The following PIK3AP1 variants were observed in gnomAD, a reference collection of about 807,000 sequenced individuals.
PIK3AP1 encodes phosphoinositide-3-kinase adaptor protein 1.
A neutral mutation model predicts 88.1 loss-of-function variants in PIK3AP1; 21 were observed. The observed-to-expected ratio is 0.24, with a 90% CI of 0.17 to 0.34. The LOEUF is 0.34. PIK3AP1 is among the 10% of genes least tolerant of loss of function. The probability of loss-of-function intolerance (pLI) is 1.00; values close to 1 mark genes in which losing one functional copy is unlikely to be tolerated. For synonymous variants in PIK3AP1, 398 were observed against 400.0 expected (o/e 1.00, Z 0.06); for missense variants, 828 against 1,035.7 (o/e 0.80, Z 2.75).
intron 2 of PIK3AP1, among the ~76,000 whole-genome samples, chr10:96,702,497 C>CAA (rs573292210): frequency 1.8e-4 from 17 of 95,772 alleles, no homozygotes; most frequent in African/African-American, 5.1e-4. Flanking sequence ...GACTTCGTCT[C>CAA]AAAAAAAAAA....
chr10:96,626,929 T>C (rs368662075), intron 9 of PIK3AP1, 24 bp from the exon 10 acceptor site: 2 of 1,596,232 alleles, frequency 1.3e-6, no homozygotes, highest in East Asian at 2.2e-5. Flanking sequence ...GAAAGGTGAC[T>C]GAAAGCAGTG....
At chr10:96,601,834 G>T (rs555613034) in intron 16 of PIK3AP1, among the ~76,000 whole-genome samples, 8 of 152,208 alleles carry the variant, frequency 5.3e-5, no homozygotes, top group African/African-American at 1.4e-4. Flanking sequence ...TTAAATTAAT[G>T]AAGGGTCCAC....
At chr10:96,698,891 T>G (rs1844256362) in intron 2 of PIK3AP1, among the ~76,000 whole-genome samples, 1 of 151,826 alleles carries the variant, frequency 6.6e-6, no homozygotes, top group Non-Finnish European at 1.5e-5. Flanking sequence ...AATATTAAAA[T>G]ATTAGGCCCG....
At position 96,692,024 on chromosome 10, in the gene PIK3AP1, T is replaced by C. The variant is rs183454407; in HGVS notation, c.430+17543A>G. On this transcript the variant is annotated intron_variant, in intron 2 of 16. Coordinates refer to ENST00000339364, the MANE Select transcript of PIK3AP1 (RefSeq NM_152309.3). Reference sequence around the variant, plus strand: ...AATGTGATTTGGTTTTACAGGGTAATTCTAGATTTTGCAAAAGAGAAATTT... The same window carrying C: ...AATGTGATTTGGTTTTACAGGGTAACTCTAGATTTTGCAAAAGAGAAATTT... Among the ~76,000 whole-genome samples the C allele has an allele frequency of 1.7e-3, 265 of 152,302 alleles. 1 individual carries two copies. The highest frequency in any genetic ancestry group is 0.014 in the Admixed American group (210 of 15,296).
chr10:96,666,834 G>T (rs1356073408), intron 2 of PIK3AP1, among the ~76,000 whole-genome samples: 2 of 151,958 alleles, frequency 1.3e-5, no homozygotes, highest in Admixed American at 6.6e-5. Context: ...CCCAGCCAAG[G>T]TCAAGCAGCA....
intron 2 of PIK3AP1, among the ~76,000 whole-genome samples, chr10:96,659,721 G>T (rs1021582846): frequency 1.3e-5 from 2 of 149,134 alleles, no homozygotes; most frequent in African/African-American, 4.9e-5. Flanking sequence ...AAAACAAAAT[G>T]CAATTTTAAT....
chr10:96,609,970 A>G, intron 13 of PIK3AP1, 103 bp from the exon 14 acceptor site: 1 of 1,409,068 alleles, frequency 7.1e-7, no homozygotes, highest in Non-Finnish European at 9.9e-7. Context: ...AGGAGCCTGC[A>G]TGGGAAGGGG....
intron 14 of PIK3AP1, among the ~76,000 whole-genome samples, 195 bp downstream of exon 14, chr10:96,609,517 G>A (rs1233096395): frequency 1.3e-5 from 2 of 152,170 alleles, no homozygotes; most frequent in East Asian, 1.9e-4. Flanking sequence ...TAATTATCAC[G>A]TAACTAGGTT....
chr10:96,637,349 C>T (rs970741801), intron 8 of PIK3AP1, among the ~76,000 whole-genome samples: 1 of 150,958 alleles, frequency 6.6e-6, no homozygotes, highest in Admixed American at 6.6e-5. Flanking sequence ...CACACACACA[C>T]ACACACACTC....
chr10:96,687,106 A>AG (rs1328669704), intron 2 of PIK3AP1, among the ~76,000 whole-genome samples: 1 of 151,968 alleles, frequency 6.6e-6, no homozygotes, highest in Non-Finnish European at 1.5e-5. Context: ...AATACAAAAA[A>AG]TTAGCCGGGT....
chr10:96,625,909 G>A (rs1339611196), intron 10 of PIK3AP1, among the ~76,000 whole-genome samples: 2 of 151,962 alleles, frequency 1.3e-5, no homozygotes, highest in Non-Finnish European at 2.9e-5. Context: ...ATCACACCTG[G>A]ATAATTTTTT....
At chr10:96,701,594 C>T (rs1253020869) in intron 2 of PIK3AP1, among the ~76,000 whole-genome samples, 2 of 152,184 alleles carry the variant, frequency 1.3e-5, no homozygotes, top group African/African-American at 4.8e-5. Flanking sequence ...CTCCATACGA[C>T]TATCCTTGCA....
chr10:96,663,573 TGA>T lies in PIK3AP1; in HGVS notation c.431-6641_431-6640del, dbSNP rs1274747113. Among the ~76,000 whole-genome samples the T allele has an allele frequency of 3.8e-5, 5 of 131,056 alleles. No homozygotes were observed. In the Admixed American group the frequency reaches 4.9e-4, roughly 13 times the overall value. 86.0% of individuals were successfully genotyped at this position (131,056 alleles called of 152,430 possible). A position where few individuals can be genotyped will look rare whatever the true frequency, so the allele number is the denominator to read the frequency against. On this transcript the variant is annotated intron_variant, in intron 2 of 16. Transcript: ENST00000339364. ...TGAACCCAGGAGGCAGAAGTTGCAG[TGA>T]GTCGAGATCGCACCACTGTACTCCA...
intron 2 of PIK3AP1, among the ~76,000 whole-genome samples, chr10:96,679,114 A>G (rs1329867830): frequency 6.6e-6 from 1 of 152,256 alleles, no homozygotes; most frequent in Non-Finnish European, 1.5e-5. Context: ...AAGAACCTGA[A>G]GAATCATTTA....
intron 13 of PIK3AP1, among the ~76,000 whole-genome samples, chr10:96,614,617 G>A (rs1361539655): frequency 1.3e-5 from 2 of 152,148 alleles, no homozygotes; most frequent in African/African-American, 2.4e-5. Context: ...TGTTAGGCAT[G>A]GTGGAACAGA....
intron 2 of PIK3AP1, among the ~76,000 whole-genome samples, chr10:96,669,901 G>A (rs1287103549): frequency 1.3e-5 from 2 of 152,114 alleles, no homozygotes; most frequent in African/African-American, 4.8e-5. Context: ...GTGGGACCAG[G>A]TGCGGTAGCT....
chr10:96,711,035 A>G (rs1453699234), intron 1 of PIK3AP1, among the ~76,000 whole-genome samples: 1 of 152,236 alleles, frequency 6.6e-6, no homozygotes, highest in Non-Finnish European at 1.5e-5. Flanking sequence ...CACCTGGCCT[A>G]TAACATAGGC....
chr10:96,707,885 C>T (rs1376548684), intron 2 of PIK3AP1, among the ~76,000 whole-genome samples: 1 of 152,200 alleles, frequency 6.6e-6, no homozygotes, highest in African/African-American at 2.4e-5. Flanking sequence ...AGAAAAAGTA[C>T]TAATCCAGGT....
intron 14 of PIK3AP1, among the ~76,000 whole-genome samples, chr10:96,606,064 C>CA (rs558744224): frequency 6.6e-5 from 10 of 152,120 alleles, no homozygotes; most frequent in African/African-American, 2.4e-4. Context: ...GCCTGGGCGA[C>CA]AGAGTGAGAC....
Sources: allele counts gnomAD v4.1 joint callset (sites outside exome capture counted in the v4.1 genomes callset), GRCh38; gene constraint gnomAD v4.1.1; transcripts MANE v1.5; gene names NCBI Gene and HGNC (gene_info 2026-07-23, HGNC 2026-07-21).